Variants in ADAMTS6 observed in about 807,000 individuals in gnomAD.
ADAMTS6 encodes the protein ADAM metallopeptidase with thrombospondin type 1 motif 6, also known as A disintegrin and metalloproteinase with thrombospondin motifs 6.
In ADAMTS6, 23 loss-of-function variants were observed where a neutral mutation model predicts 144.3. That is an observed-to-expected ratio of 0.16 (90% CI 0.11 to 0.23). The LOEUF is 0.23. Among genes scored for constraint, ADAMTS6 ranks in the 10% least tolerant of loss-of-function variants. ADAMTS6 has a pLI of 1.00. For synonymous variants in ADAMTS6, 444 were observed against 457.5 expected (o/e 0.97, Z 0.38); for missense variants, 999 against 1,379.6 (o/e 0.72, Z 4.37).
intron 7 of ADAMTS6, among the ~76,000 whole-genome samples, chr5:65,337,895 G>A (rs1747457643): frequency 6.6e-6 from 1 of 152,078 alleles, no homozygotes; most frequent in Non-Finnish European, 1.5e-5. Flanking sequence ...TATACTTTTA[G>A]GACTTTTATT....
rs1168318912 is a variant in ADAMTS6 at position 65,442,489 on chromosome 5, T to C, written c.1073+8986A>G. ...ACATCTGAGGAGGAAATAATATCAA[T>C]TCTATACAAACTCTTCCAGAAAATT... On this transcript the variant is annotated intron_variant, in intron 7 of 24. Coordinates refer to ENST00000381055, the MANE Select transcript of ADAMTS6 (RefSeq NM_197941.4). Among the ~76,000 whole-genome samples, 4 of 152,116 alleles carry C rather than the reference T, an allele frequency of 2.6e-5. No individual in the cohort carries two copies. In the East Asian group the frequency reaches 5.8e-4, roughly 22 times the overall value.
intron 9 of ADAMTS6, among the ~76,000 whole-genome samples, chr5:65,323,944 T>C (rs1445537542): frequency 6.6e-6 from 1 of 152,192 alleles, no homozygotes; most frequent in East Asian, 1.9e-4. Context: ...TCATATCCTT[T>C]GCCCACTTTT....
chr5:65,377,047 A>G, intron 7 of ADAMTS6, among the ~76,000 whole-genome samples: 1 of 152,174 alleles, frequency 6.6e-6, no homozygotes, highest in East Asian at 1.9e-4. Context: ...CAAGAAAAAC[A>G]GATTAAGAAA....
chr5:65,412,829 ATAAC>A (rs1755162599), intron 7 of ADAMTS6, among the ~76,000 whole-genome samples: 1 of 152,160 alleles, frequency 6.6e-6, no homozygotes, highest in Non-Finnish European at 1.5e-5. Flanking sequence ...ATTGAAAACC[ATAAC>A]TAATTCAAAT....
At chr5:65,225,117 A>G (rs1757634199) in intron 16 of ADAMTS6, 70 bp from the exon 17 acceptor site, 1 of 1,425,746 alleles carries the variant, frequency 7.0e-7, no homozygotes, top group South Asian at 1.6e-5. Flanking sequence ...TGAAATACAT[A>G]TAACTTATTT....
intron 20 of ADAMTS6, chr5:65,210,636 T>C: frequency 1.6e-6 from 1 of 609,448 alleles, no homozygotes; most frequent in Non-Finnish European, 3.0e-6. Flanking sequence ...GAGGCTTGTC[T>C]ATCCCTCACA....
intron 4 of ADAMTS6, among the ~76,000 whole-genome samples, chr5:65,458,598 G>A (rs1759403397): frequency 6.6e-6 from 1 of 152,122 alleles, no homozygotes; most frequent in African/African-American, 2.4e-5. Flanking sequence ...TTTTAGTAGA[G>A]ACAGGGTTTC....
chr5:65,334,432 G>T (rs1315878242), intron 7 of ADAMTS6, among the ~76,000 whole-genome samples: 1 of 152,186 alleles, frequency 6.6e-6, no homozygotes, highest in Non-Finnish European at 1.5e-5. Flanking sequence ...CAAATAGGTG[G>T]CTTCTTATTT....
chr5:65,254,084 A>G (rs1211959024), intron 14 of ADAMTS6, among the ~76,000 whole-genome samples: 1 of 151,866 alleles, frequency 6.6e-6, no homozygotes, highest in Non-Finnish European at 1.5e-5. Flanking sequence ...ACCTCAAGTG[A>G]TCTGCTCACC....
intron 7 of ADAMTS6, among the ~76,000 whole-genome samples, chr5:65,440,703 C>T (rs949251703): frequency 6.6e-6 from 1 of 152,092 alleles, no homozygotes; most frequent in Non-Finnish European, 1.5e-5. Flanking sequence ...CTAGCACTTA[C>T]ACAACATTAA....
At chr5:65,453,899 A>C (rs1244388997) in intron 4 of ADAMTS6, among the ~76,000 whole-genome samples, 2 of 152,320 alleles carry the variant, frequency 1.3e-5, no homozygotes, top group African/African-American at 4.8e-5. Flanking sequence ...TGTTTTACAA[A>C]TTGCATTGGT....
intron 7 of ADAMTS6, among the ~76,000 whole-genome samples, chr5:65,427,621 AC>A (rs1446468911): frequency 1.3e-5 from 2 of 151,928 alleles, no homozygotes; most frequent in Non-Finnish European, 1.5e-5. Flanking sequence ...ACATGGTGAA[AC>A]CCCGTCTCTA....
rs146980484 is a variant in ADAMTS6 at position 65,318,536 on chromosome 5, A to G, written c.1223+10842T>C. 3.9e-3 allele frequency among the ~76,000 whole-genome samples: 601 copies of G among 152,352 alleles called. 3 individuals are homozygous for G. Among genetic ancestry groups the G allele is most frequent in the African/African-American group, 0.013 (553 of 41,586 alleles). On this transcript the variant is annotated intron_variant, in intron 9 of 24. Transcript: ENST00000381055. ...ATCTGGTACATATACATAACAGAGT[A>G]CTATTCAGCCATAAGAAAGAATGAG...
intron 1 of ADAMTS6, among the ~76,000 whole-genome samples, chr5:65,474,495 T>G (rs1375769871): frequency 6.6e-6 from 1 of 152,090 alleles, no homozygotes; most frequent in Non-Finnish European, 1.5e-5. Flanking sequence ...TTGAACTGTA[T>G]GTACTATAAC....
intron 14 of ADAMTS6, among the ~76,000 whole-genome samples, chr5:65,253,992 G>A (rs951317701): frequency 1.3e-5 from 2 of 151,328 alleles, no homozygotes; most frequent in African/African-American, 2.4e-5. Context: ...CTACAGGCAC[G>A]CACCACCATG....
At chr5:65,200,823 T>C (rs1265117756) in intron 20 of ADAMTS6, among the ~76,000 whole-genome samples, 1 of 152,228 alleles carries the variant, frequency 6.6e-6, no homozygotes, top group African/African-American at 2.4e-5. Context: ...ATATTTACTT[T>C]AAACCCTCTA....
chr5:65,430,489 T>C (rs1276383271), intron 7 of ADAMTS6, among the ~76,000 whole-genome samples: 1 of 152,176 alleles, frequency 6.6e-6, no homozygotes, highest in Non-Finnish European at 1.5e-5. Flanking sequence ...AGCAGGACAC[T>C]ACTGGATTAT....
chr5:65,458,809 G>T (rs1759421620), intron 4 of ADAMTS6, among the ~76,000 whole-genome samples: 1 of 152,094 alleles, frequency 6.6e-6, no homozygotes, highest in African/African-American at 2.4e-5. Context: ...CTAGCTACTG[G>T]AACTACATAG....
At chr5:65,430,561 A>G (rs1025950360) in intron 7 of ADAMTS6, among the ~76,000 whole-genome samples, 2 of 152,202 alleles carry the variant, frequency 1.3e-5, no homozygotes, top group African/African-American at 4.8e-5. Flanking sequence ...TCTCTCAGGA[A>G]AAAAGTCAAC....
Sources: gnomAD v4.1 joint callset for allele counts (sites outside exome capture counted in the v4.1 genomes callset) on GRCh38, gnomAD v4.1.1 for gene constraint, MANE v1.5 for transcripts, NCBI Gene and HGNC (gene_info 2026-07-23, HGNC 2026-07-21) for gene names.